UTRN: variants seen among roughly 807,000 people sequenced by gnomAD.
The protein encoded by UTRN is dystrophin-related protein 1.
In UTRN, 283 loss-of-function variants were observed where a neutral mutation model predicts 463.9. That is an observed-to-expected ratio of 0.61 (90% confidence interval 0.55 to 0.67). The LOEUF (loss-of-function observed/expected upper bound fraction) is 0.67, where lower values mean the gene tolerates loss of function less well. Ranked by LOEUF, UTRN falls within the 30% of genes least tolerant of loss-of-function variation. The pLI, the probability that UTRN is intolerant of heterozygous loss-of-function variation, is 0.00. For missense variants in UTRN, 3,922 were observed against 4,084.3 expected (o/e 0.96, Z 1.08); for synonymous variants, 1,442 against 1,431.5 (o/e 1.01, Z -0.17).
intron 2 of UTRN, among the ~76,000 whole-genome samples, chr6:144,358,953 C>T (rs939816656): frequency 6.6e-5 from 10 of 152,030 alleles, no homozygotes; most frequent in African/African-American, 2.2e-4. Context: ...CTGGTGTTTT[C>T]GTTTGACATT....
intron 43 of UTRN, among the ~76,000 whole-genome samples, chr6:144,537,147 G>C (rs537810040): frequency 2.6e-5 from 4 of 152,102 alleles, no homozygotes; most frequent in Non-Finnish European, 5.9e-5. Context: ...ACCACCTAAT[G>C]TGATAACATG....
intron 6 of UTRN, among the ~76,000 whole-genome samples, chr6:144,425,769 A>G (rs375647232): frequency 1.2e-4 from 19 of 152,276 alleles, no homozygotes; most frequent in African/African-American, 3.1e-4. Flanking sequence ...TGTCCCTTAG[A>G]TAGATCTATG....
intron 71 of UTRN, 115 bp from the exon 72 acceptor site, chr6:144,839,058 A>T: frequency 1.4e-6 from 1 of 702,670 alleles, no homozygotes; most frequent in South Asian, 2.3e-5. Context: ...CTGAAGGCAA[A>T]GACTTCTATA....
At position 144,851,136 on chromosome 6, in the gene UTRN, A is replaced by G; in HGVS notation, c.*139A>G. 1 of 1,076,472 alleles carries G rather than the reference A, an allele frequency of 9.3e-7. No homozygotes were observed. The highest frequency in any genetic ancestry group is 1.3e-5 in the South Asian group (1 of 77,890). 66.7% of individuals were successfully genotyped at this position (1,076,472 alleles called of 1,614,324 possible). A position where few individuals can be genotyped will look rare whatever the true frequency, so the allele number is the denominator to read the frequency against. ...TGAGTGCTGACTGTGTGTTCTACTG[A>G]AAGAGTAAAACACTGACTATCCAAA... is the stretch of plus-strand genomic sequence containing the variant. On this transcript the variant is annotated 3_prime_UTR_variant, in exon 75 of 75. Coordinates refer to ENST00000367545, the MANE Select transcript of UTRN (RefSeq NM_007124.3).
chr6:144,569,075 TC>T (rs1288619061), intron 50 of UTRN, among the ~76,000 whole-genome samples: 2 of 152,076 alleles, frequency 1.3e-5, no homozygotes, highest in Admixed American at 1.3e-4. Flanking sequence ...GGATAAAAAA[TC>T]TTGTAATATT....
Position 144,437,711 on chromosome 6 carries a change from G to A in UTRN, c.1206G>A (p.Glu402=). ...TGACCCTGCTGAATGCTAGATGGGA[G>A]GCTCTTAGGGTGGAGAGTATGGACA... is the stretch of plus-strand genomic sequence containing the variant. ...EQMTLLNARW[E]ALRVESMDRQ... The change falls in exon 11 of 75, where the codon GAG becomes GAA. Residue 402 remains glutamate (E), a synonymous_variant. Coordinates refer to ENST00000367545, the MANE Select transcript of UTRN (RefSeq NM_007124.3). 6.2e-7 allele frequency: 1 copy of A among 1,614,020 alleles called. No individual in the cohort carries two copies.
intron 58 of UTRN, among the ~76,000 whole-genome samples, chr6:144,761,426 G>T (rs766628030): frequency 6.6e-6 from 1 of 151,940 alleles, no homozygotes; most frequent in South Asian, 2.1e-4. Context: ...AGGCTGAGGC[G>T]GGTGGATTGC....
intron 43 of UTRN, among the ~76,000 whole-genome samples, chr6:144,534,572 G>A (rs542202868): frequency 6.6e-6 from 1 of 152,284 alleles, no homozygotes; most frequent in African/African-American, 2.4e-5. Context: ...AACACTTAAA[G>A]TATCTATTTC....
chr6:144,676,952 G>A (rs9386076), intron 51 of UTRN, among the ~76,000 whole-genome samples: 22,398 of 152,006 alleles, frequency 0.15, 2,180 homozygotes, highest in East Asian at 0.57. Flanking sequence ...TTGGATATTA[G>A]GCAAAGTTCA....
At chr6:144,495,439 C>A (rs1161991898) in intron 33 of UTRN, among the ~76,000 whole-genome samples, 1 of 152,246 alleles carries the variant, frequency 6.6e-6, no homozygotes, top group African/African-American at 2.4e-5. Context: ...CCTGCTGCTC[C>A]GAGTGCGGGG....
intron 50 of UTRN, among the ~76,000 whole-genome samples, chr6:144,565,599 TAGAG>T (rs1284213191): frequency 2.6e-5 from 4 of 152,026 alleles, no homozygotes; most frequent in African/African-American, 7.2e-5. Context: ...TGTTCAGAAA[TAGAG>T]GGAGGAGAAT....
At chr6:144,347,075 G>A (rs1011218663) in intron 2 of UTRN, among the ~76,000 whole-genome samples, 1 of 152,212 alleles carries the variant, frequency 6.6e-6, no homozygotes, top group African/African-American at 2.4e-5. Flanking sequence ...AGGCCCAGAT[G>A]ACTCATGTCT....
intron 2 of UTRN, among the ~76,000 whole-genome samples, chr6:144,295,106 G>A (rs947937958): frequency 6.6e-6 from 1 of 152,168 alleles, no homozygotes; most frequent in Non-Finnish European, 1.5e-5. Context: ...AGTTCAACAA[G>A]TTAGTAAATA....
intron 53 of UTRN, among the ~76,000 whole-genome samples, chr6:144,706,225 C>CTT (rs59062596): frequency 2.7e-4 from 39 of 144,316 alleles, no homozygotes; most frequent in African/African-American, 7.3e-4. Flanking sequence ...TTCAGGGCAG[C>CTT]TTTTTTTTTT....
intron 52 of UTRN, among the ~76,000 whole-genome samples, chr6:144,681,086 A>G (rs1014734524): frequency 6.6e-6 from 1 of 152,156 alleles, no homozygotes; most frequent in Admixed American, 6.6e-5. Flanking sequence ...GAGACCTGGT[A>G]GGAGACACTT....
At chr6:144,761,109 T>C (rs1034661803) in intron 58 of UTRN, among the ~76,000 whole-genome samples, 1 of 152,126 alleles carries the variant, frequency 6.6e-6, no homozygotes, top group African/African-American at 2.4e-5. Context: ...GTCTATATAG[T>C]ATAAACCCCT....
chr6:144,318,715 C>G (rs1414004342), intron 2 of UTRN, among the ~76,000 whole-genome samples: 1 of 152,262 alleles, frequency 6.6e-6, no homozygotes, highest in South Asian at 2.1e-4. Context: ...CTGCCTGTCT[C>G]GGGCTCCCAA....
chr6:144,782,016 C>T lies in UTRN; in HGVS notation c.8727C>T (p.Asn2909=). 6.2e-7 allele frequency: 1 copy of T among 1,614,028 alleles called. No individual in the cohort carries two copies. Among genetic ancestry groups the T allele is most frequent in the Non-Finnish European group, 8.5e-7 (1 of 1,179,942 alleles). The part of the protein sequence containing the change: ...DQLLSVPDVI[N]CLTTTYDGLE... ...TCCTCAGTGTTCCAGATGTCATCAACTGTCTGACAACAACTTATGATGGAC... is the reference window on the plus strand; with the variant it reads ...TCCTCAGTGTTCCAGATGTCATCAATTGTCTGACAACAACTTATGATGGAC... Residue 2909 remains asparagine (N), a synonymous_variant, in exon 61 of 75, where the codon AAC becomes AAT. Coordinates refer to ENST00000367545, the MANE Select transcript of UTRN (RefSeq NM_007124.3).
intron 65 of UTRN, among the ~76,000 whole-genome samples, chr6:144,815,381 T>C (rs1778985327): frequency 6.6e-6 from 1 of 152,170 alleles, no homozygotes; most frequent in Admixed American, 6.5e-5. Flanking sequence ...GATGTATATA[T>C]GAATGGGAGT....
Sources: allele counts gnomAD v4.1 joint callset (sites outside exome capture counted in the v4.1 genomes callset), GRCh38; gene constraint gnomAD v4.1.1; transcripts MANE v1.5; gene names NCBI Gene and HGNC (gene_info 2026-07-23, HGNC 2026-07-21).